Variants in GLUD1 observed in about 807,000 individuals in gnomAD.
GLUD1 encodes glutamate dehydrogenase 1, mitochondrial.
Under a neutral mutation model 56.0 loss-of-function variants are expected in GLUD1, and 22 were observed. That is an observed-to-expected ratio of 0.39 (90% confidence interval 0.28 to 0.56). The LOEUF (loss-of-function observed/expected upper bound fraction) is 0.56, where lower values mean the gene tolerates loss of function less well. Ranked by LOEUF, GLUD1 falls within the 20% of genes least tolerant of loss-of-function variation. The probability of loss-of-function intolerance (pLI) is 0.58; values close to 1 mark genes in which losing one functional copy is unlikely to be tolerated. For synonymous variants in GLUD1, 223 were observed against 269.9 expected, an observed-to-expected ratio of 0.83 and a Z score of 1.70; for missense variants, 451 against 732.0, an observed-to-expected ratio of 0.62 and a Z score of 4.43.
chr10:87,055,321 C>T (rs570627489), intron 11 of GLUD1, among the ~76,000 whole-genome samples: 20 of 152,050 alleles, frequency 1.3e-4, no homozygotes, highest in Non-Finnish European at 2.5e-4. Flanking sequence ...AGTGAGGGCA[C>T]TGGGGGGATG....
chr10:87,068,031 C>G (rs780413527), intron 5 of GLUD1, 32 bp downstream of exon 5: 3 of 1,266,492 alleles, frequency 2.4e-6, no homozygotes, highest in Non-Finnish European at 3.5e-6. Flanking sequence ...ACAGCAAATG[C>G]AGAAGCCTCG....
chr10:87,094,647 C>T lies in GLUD1; in HGVS notation c.123G>A (p.Pro41=), dbSNP rs112553328. 1 of 1,603,304 alleles carries T rather than the reference C, an allele frequency of 6.2e-7. No individual in the cohort carries two copies. Among genetic ancestry groups the T allele is most frequent in the South Asian group, 1.1e-5 (1 of 90,542 alleles). The change falls in exon 1 of 13, where the codon CCG becomes CCA. Residue 41 remains proline, a synonymous_variant. Transcript: ENST00000277865. This position sits in a 1 kb window ranked among gnomAD's most constrained non-coding sequence, Gnocchi z 6.6. The part of the protein sequence containing the change: ...GWARGQPAAA[P]QPGLALAARR... ...GGGCGGCCAATGCCAGCCCCGGCTGCGGGGCGGCGGCGGGCTGTCCCCGGG... is the reference window on the plus strand; with the variant it reads ...GGGCGGCCAATGCCAGCCCCGGCTGTGGGGCGGCGGCGGGCTGTCCCCGGG...
At chr10:87,061,619 A>ATT (rs879261811) in intron 6 of GLUD1, among the ~76,000 whole-genome samples, 30 of 142,566 alleles carry the variant, frequency 2.1e-4, no homozygotes, top group African/African-American at 4.9e-4. Flanking sequence ...GAGAAATACA[A>ATT]TTTTTTTTTT....
chr10:87,070,139 T>A (rs1392796287), intron 4 of GLUD1, among the ~76,000 whole-genome samples: 8 of 152,218 alleles, frequency 5.3e-5, no homozygotes, highest in Non-Finnish European at 1.0e-4. Flanking sequence ...TAGGATTAAA[T>A]AAGCTTGTTA....
intron 8 of GLUD1, 95 bp from the exon 9 acceptor site, chr10:87,060,336 T>TG: frequency 1.2e-6 from 1 of 860,760 alleles, no homozygotes; most frequent in Non-Finnish European, 2.0e-6. Context: ...CAAGGGGCTG[T>TG]GGGGAGAAGC....
intron 4 of GLUD1, among the ~76,000 whole-genome samples, chr10:87,070,842 T>C (rs1846214218): frequency 6.6e-6 from 1 of 151,920 alleles, no homozygotes; most frequent in Non-Finnish European, 1.5e-5. Context: ...TTACAAGTAG[T>C]TCCTGAGGCC....
intron 1 of GLUD1, among the ~76,000 whole-genome samples, chr10:87,077,139 T>C (rs1346612484): frequency 6.6e-6 from 1 of 152,018 alleles, no homozygotes; most frequent in Non-Finnish European, 1.5e-5. Context: ...GCCTCCTGAG[T>C]AGCTGGGACC....
chr10:87,051,902 A>G (rs1845640471), intron 12 of GLUD1, 32 bp from the exon 13 acceptor site: 1 of 1,613,680 alleles, frequency 6.2e-7, no homozygotes, highest in African/African-American at 1.3e-5. Context: ...AGTGAAGATG[A>G]TCCTGACTCA....
At chr10:87,073,827 C>A (rs1365544538) in intron 4 of GLUD1, among the ~76,000 whole-genome samples, 1 of 151,732 alleles carries the variant, frequency 6.6e-6, no homozygotes, top group South Asian at 2.1e-4. Flanking sequence ...TACTAAACCC[C>A]GTTAGCCAGA....
intron 10 of GLUD1, among the ~76,000 whole-genome samples, chr10:87,058,226 A>G (rs566736229): frequency 2.6e-5 from 4 of 152,356 alleles, no homozygotes; most frequent in Non-Finnish European, 5.9e-5. Flanking sequence ...TCAGGAAGGA[A>G]TAAAACACAT....
intron 1 of GLUD1, among the ~76,000 whole-genome samples, chr10:87,089,233 T>C (rs1431916736): frequency 6.6e-6 from 1 of 152,218 alleles, no homozygotes; most frequent in Non-Finnish European, 1.5e-5. Flanking sequence ...AAGCCTAAGA[T>C]ACAATTTGTA....
chr10:87,060,491 G>C, intron 8 of GLUD1, 197 bp downstream of exon 8: 1 of 726,996 alleles, frequency 1.4e-6, no homozygotes, highest in South Asian at 1.7e-5. Flanking sequence ...GTTTGTTTTG[G>C]TAATGGTTGC....
chr10:87,050,903 TAAC>T lies in GLUD1; in HGVS notation c.*845_*847del, dbSNP rs1402746167. On this transcript the variant is annotated 3_prime_UTR_variant, in exon 13 of 13. Transcript: ENST00000277865. Reference sequence around the variant, plus strand: ...AGATCTTCAAAAGAGAACAATTAGTTAACATGATAAAAAGTGACTGCATTCTTT... The same window carrying T: ...AGATCTTCAAAAGAGAACAATTAGTTATGATAAAAAGTGACTGCATTCTTT... 2 of 152,250 alleles carry T rather than the reference TAAC, an allele frequency of 1.3e-5. No homozygotes were observed. Among genetic ancestry groups the T allele is most frequent in the Admixed American group, 1.3e-4 (2 of 15,274 alleles). 9.4% of individuals were successfully genotyped at this position (152,250 alleles called of 1,614,324 possible).
intron 10 of GLUD1, among the ~76,000 whole-genome samples, chr10:87,058,128 A>G (rs1051449830): frequency 3.3e-5 from 5 of 152,198 alleles, no homozygotes; most frequent in Admixed American, 6.5e-5. Flanking sequence ...TTGGCCTCCC[A>G]AAGTGCTGGG....
chr10:87,073,119 T>C (rs1846284095), intron 4 of GLUD1, among the ~76,000 whole-genome samples: 1 of 152,206 alleles, frequency 6.6e-6, no homozygotes, highest in South Asian at 2.1e-4. Context: ...GACTTTTTTT[T>C]CCTAAAAATG....
chr10:87,062,916 C>G lies in GLUD1; in HGVS notation c.742-81G>C. On this transcript the variant is annotated intron_variant, in intron 5 of 12. Transcript: ENST00000277865. Reference sequence around the variant, plus strand: ...GGAACATAATGAATTAAAGTCAAAGCACATTCTCATTTAATCAAAAATATG... The same window carrying G: ...GGAACATAATGAATTAAAGTCAAAGGACATTCTCATTTAATCAAAAATATG... The G allele has an allele frequency of 2.3e-6, 3 of 1,290,828 alleles. No individual in the cohort carries two copies. In the South Asian group the frequency reaches 3.7e-5, roughly 16 times the overall value. The allele number at this position is 1,290,828 out of a possible 1,614,324, so 80.0% of individuals were successfully genotyped here. A position where few individuals can be genotyped will look rare whatever the true frequency, so the allele number is the denominator to read the frequency against.
chr10:87,059,709 T>C (rs1186616736), intron 9 of GLUD1, among the ~76,000 whole-genome samples: 1 of 152,192 alleles, frequency 6.6e-6, no homozygotes, highest in Non-Finnish European at 1.5e-5. Context: ...GGGGGTTCTT[T>C]AAAATATATT....
intron 6 of GLUD1, among the ~76,000 whole-genome samples, chr10:87,062,046 T>C (rs759892257): frequency 1.3e-5 from 2 of 152,138 alleles, no homozygotes; most frequent in Non-Finnish European, 2.9e-5. Flanking sequence ...CCTCCCAAAG[T>C]GATGGGATTA....
At chr10:87,087,476 G>C (rs1841410070) in intron 1 of GLUD1, among the ~76,000 whole-genome samples, 1 of 152,116 alleles carries the variant, frequency 6.6e-6, no homozygotes, top group Admixed American at 6.5e-5. Context: ...TCTAATTATG[G>C]CTTGGTCTTT....
Sources: gnomAD v4.1 joint callset for allele counts (sites outside exome capture counted in the v4.1 genomes callset) on GRCh38, gnomAD v4.1.1 for gene constraint, Gnocchi (gnomAD v3.1) non-coding constraint, MANE v1.5 for transcripts, NCBI Gene and HGNC (gene_info 2026-07-23, HGNC 2026-07-21) for gene names.